ZNF350: variants seen among roughly 807,000 people sequenced by gnomAD.
ZNF350 encodes zinc finger protein 350.
Under a neutral mutation model 13.1 loss-of-function variants are expected in ZNF350, and 5 were observed. The ratio of observed to expected loss-of-function variants is 0.38; its 90% CI spans 0.20 to 0.80. The LOEUF is 0.80. Among genes scored for constraint, ZNF350 ranks in the 30% least tolerant of loss-of-function variants. ZNF350 has a pLI of 0.43. For missense variants in ZNF350, 534 were observed against 644.2 expected (o/e 0.83, Z 1.85); for synonymous variants, 199 against 224.2 (o/e 0.89, Z 1.00).
In ZNF350 at chr19:51,964,925, C is replaced by T. The variant is rs1259855201; in HGVS notation, c.1528G>A (p.Val510Met). 2 of 1,614,056 alleles carry T rather than the reference C, an allele frequency of 1.2e-6. No homozygotes were observed. Among genetic ancestry groups the T allele is most frequent in the Admixed American group, 1.7e-5 (1 of 60,010 alleles). Residue 510 changes from valine (V) to methionine (M), a missense_variant, in exon 5 of 5, where the codon GTG becomes ATG. Val to Met is a conservative substitution (Grantham distance 21). Transcript: ENST00000243644. ...NRGFAQDRNLVNAVNVVVPSV... is the reference protein window; with the variant it reads ...NRGFAQDRNLMNAVNVVVPSV... ...GGCACAACCACATTCACTGCATTCA[C>T]AAGGTTTCTGTCCTGTGCAAATCCT...
chr19:51,984,524 C>T (rs1301130863), intron 1 of ZNF350, among the ~76,000 whole-genome samples: 1 of 152,146 alleles, frequency 6.6e-6, no homozygotes, highest in Non-Finnish European at 1.5e-5. Flanking sequence ...CCGAGGTGCA[C>T]ATCTAGATAT....
intron 2 of ZNF350, among the ~76,000 whole-genome samples, chr19:51,970,080 A>ATTT (rs2085693315): frequency 1.4e-5 from 1 of 73,816 alleles, no homozygotes; most frequent in African/African-American, 8.1e-5. Flanking sequence ...TTTTTTTTTG[A>ATTT]GACGGAGTTT....
chr19:51,966,049 C>T lies in ZNF350; in HGVS notation c.404G>A (p.Ser135Asn). 1 of 1,614,014 alleles carries T rather than the reference C, an allele frequency of 6.2e-7. No individual in the cohort carries two copies. The part of the protein sequence containing the change: ...NHDIFDLRGK[S>N]LKSNLTLVNQ... ...AACTAAAGTTAAATTGGATTTCAAA[C>T]TTTTTCCACGTAAGTCAAATATATC... Residue 135 changes from serine to asparagine, a missense_variant, in exon 5 of 5, where the codon AGT becomes AAT. Ser to Asn is a conservative substitution (Grantham distance 46). Transcript: ENST00000243644.
intron 2 of ZNF350, among the ~76,000 whole-genome samples, chr19:51,972,630 AAT>A (rs777371848): frequency 2.6e-4 from 40 of 152,198 alleles, no homozygotes; most frequent in South Asian, 1.2e-3. Context: ...TATCATGTAA[AAT>A]ATATATATGT....
rs752569433 is a variant in ZNF350, at chr19:51,974,410, T to C, written c.-50A>G. ...ATTCAACTGGGATGGTCTGTCTTTG[T>C]ATCTTCTGGCCTTCTCTTCAGAAGT... On this transcript the variant is annotated 5_prime_UTR_variant, in exon 2 of 5. It adds an upstream start codon to the 5' untranslated region. Transcript: ENST00000243644. 1.0e-4 allele frequency: 164 copies of C among 1,609,452 alleles called. No homozygotes were observed. The highest frequency in any genetic ancestry group is 1.4e-4 in the Non-Finnish European group (160 of 1,176,798).
At chr19:51,982,971 AAG>A (rs1271987441) in intron 1 of ZNF350, among the ~76,000 whole-genome samples, 1 of 152,200 alleles carries the variant, frequency 6.6e-6, no homozygotes, top group Non-Finnish European at 1.5e-5. Context: ...GTGTGGGGGA[AAG>A]AGAGATCAGA....
rs1568474769 is a variant in ZNF350 at position 51,965,445 on chromosome 19, A to G, written c.1008T>C (p.His336=). Reference sequence around the variant, plus strand: ...GCGTCTTTCCTGTGTGAAATCTCTGATGTGCTATGAGACACGTCTTCTGAA... The same window carrying G: ...GCGTCTTTCCTGTGTGAAATCTCTGGTGTGCTATGAGACACGTCTTCTGAA... The part of the protein sequence containing the change: ...GFIQKTCLIA[H]QRFHTGKTPF... Residue 336 remains histidine (H), a synonymous_variant, in exon 5 of 5, where the codon CAT becomes CAC. Coordinates refer to ENST00000243644, the MANE Select transcript of ZNF350 (RefSeq NM_021632.4). The G allele has an allele frequency of 5.0e-6, 8 of 1,614,142 alleles. No individual in the cohort carries two copies. The highest frequency in any genetic ancestry group is 5.1e-6 in the Non-Finnish European group (6 of 1,180,018).
rs138898320 is a variant in ZNF350, at chr19:51,969,047, G to C, written c.100C>G (p.Arg34Gly). 1.2e-6 allele frequency: 2 copies of C among 1,614,058 alleles called. No homozygotes were observed. The highest frequency in any genetic ancestry group is 2.2e-5 in the East Asian group (1 of 44,862). The change falls in exon 3 of 5, where the codon CGG (arginine) becomes GGG (glycine). Residue 34 changes from arginine to glycine, a missense_variant. Arg to Gly is a moderately radical substitution (Grantham distance 125). Transcript: ENST00000243644. The part of the protein sequence containing the change: ...LLGAAQKDLY[R>G]DVMLENYSNL... ...CTGTAGTTCTCCAACATCACATCCCGGTACAGGTCCTTCTGAGCAGCGCCC... is the reference window on the plus strand; with the variant it reads ...CTGTAGTTCTCCAACATCACATCCCCGTACAGGTCCTTCTGAGCAGCGCCC...
At position 51,974,452 on chromosome 19, in the gene ZNF350, G is replaced by A. The variant is rs2085830176; in HGVS notation, c.-92C>T. On this transcript the variant is annotated 5_prime_UTR_variant, in exon 2 of 5. Coordinates refer to ENST00000243644, the MANE Select transcript of ZNF350 (RefSeq NM_021632.4). ...TTCAGAAGTCTCAGTTTTCAATCAA[G>A]TGTGCCCCAAGAAATGGTGAACCCC... 2.0e-6 allele frequency: 3 copies of A among 1,484,586 alleles called. No individual in the cohort carries two copies. Among genetic ancestry groups the A allele is most frequent in the South Asian group, 2.4e-5 (2 of 84,744 alleles). The allele number at this position is 1,484,586 out of a possible 1,614,324, so 92.0% of individuals were successfully genotyped here. A position where few individuals can be genotyped will look rare whatever the true frequency, so the allele number is the denominator to read the frequency against.
In ZNF350 at chr19:51,965,398, C is replaced by G. The variant is rs772791359; in HGVS notation, c.1055G>C (p.Gly352Ala). ...GKTPFVCSEC[G>A]KSCSQKSGLI... is the part of the protein sequence containing the mutation. Reference sequence around the variant, plus strand: ...ACCTGATTTCTGAGAACAGGATTTTCCACATTCACTGCACACAAAGGGCGT... The same window carrying G: ...ACCTGATTTCTGAGAACAGGATTTTGCACATTCACTGCACACAAAGGGCGT... Residue 352 changes from glycine (G) to alanine (A), a missense_variant, in exon 5 of 5, where the codon GGA (glycine) becomes GCA (alanine). Transcript: ENST00000243644. 1.9e-6 allele frequency: 3 copies of G among 1,614,116 alleles called. No individual in the cohort carries two copies. Among genetic ancestry groups the G allele is most frequent in the South Asian group, 1.1e-5 (1 of 91,080 alleles).
In ZNF350 at chr19:51,965,810, A is replaced by C. The variant is rs1278538592; in HGVS notation, c.643T>G (p.Phe215Val). 6.2e-7 allele frequency: 1 copy of C among 1,614,110 alleles called. No individual in the cohort carries two copies. The change falls in exon 5 of 5, where the codon TTC (phenylalanine) becomes GTC (valine). Residue 215 changes from phenylalanine (F) to valine (V), a missense_variant. Physicochemically the swap from Phe to Val is conservative, Grantham distance 50 (BLOSUM62 -1). Transcript: ENST00000243644. Reference protein sequence around the residue: ...HHVCSECGKAFIKKSWLTDHQ... With the variant: ...HHVCSECGKAVIKKSWLTDHQ... ...TCAGTTAGCCAAGACTTCTTGATGA[A>C]GGCTTTCCCACATTCACTGCACACA... is the stretch of plus-strand genomic sequence containing the variant.
At chr19:51,970,764 C>G (rs1469730060) in intron 2 of ZNF350, among the ~76,000 whole-genome samples, 1 of 152,040 alleles carries the variant, frequency 6.6e-6, no homozygotes, top group African/African-American at 2.4e-5. Context: ...CTCAAGAAAT[C>G]CAACAACTTT....
chr19:51,965,869 T>C lies in ZNF350; in HGVS notation c.584A>G (p.Lys195Arg). ...ISTKSQFISPKHQKTRKLEKH... is the reference protein window; with the variant it reads ...ISTKSQFISPRHQKTRKLEKH... ...CTCTAATTTTCGTGTTTTCTGATGC[T>C]TGGGACTGATGAATTGGGACTTAGT... Residue 195 changes from lysine (K) to arginine (R), a missense_variant, in exon 5 of 5, where the codon AAG (lysine) becomes AGG (arginine). By Grantham distance (26) the Lys-to-Arg change is conservative. Transcript: ENST00000243644. The C allele has an allele frequency of 1.2e-5, 20 of 1,614,164 alleles. No individual in the cohort carries two copies. The highest frequency in any genetic ancestry group is 1.4e-5 in the Non-Finnish European group (17 of 1,180,028).
intron 2 of ZNF350, among the ~76,000 whole-genome samples, chr19:51,971,979 A>G (rs138097703): frequency 2.8e-4 from 43 of 152,262 alleles, no homozygotes; most frequent in African/African-American, 8.7e-4. Flanking sequence ...ATACATGTTT[A>G]AAAAAATTAT....
chr19:51,980,047 A>T (rs1442468250), intron 1 of ZNF350, among the ~76,000 whole-genome samples: 1 of 152,238 alleles, frequency 6.6e-6, no homozygotes, highest in African/African-American at 2.4e-5. Context: ...TAAGCAACAC[A>T]GTCTTAATGT....
intron 1 of ZNF350, among the ~76,000 whole-genome samples, chr19:51,978,142 G>A (rs1439893302): frequency 3.9e-5 from 6 of 152,034 alleles, no homozygotes; most frequent in Non-Finnish European, 5.9e-5. Flanking sequence ...GCCTGCACCC[G>A]GGCCCCTCAA....
In ZNF350 at chr19:51,980,460, G is replaced by A. The variant is rs140388526; in HGVS notation, c.-171-5929C>T. Among the ~76,000 whole-genome samples, 30 of 152,288 alleles carry A rather than the reference G, an allele frequency of 2.0e-4. No individual in the cohort carries two copies. In the East Asian group the frequency reaches 5.2e-3, roughly 26 times the overall value. ...TGCATAATTCTATTCAAACATCTCA[G>A]TAGGTGGAGAACTGGACACGCACAG... On this transcript the variant is annotated intron_variant, in intron 1 of 4. Coordinates refer to ENST00000243644, the MANE Select transcript of ZNF350 (RefSeq NM_021632.4).
Position 51,974,447 on chromosome 19 carries a change from A to G in ZNF350, c.-87T>C, listed in dbSNP as rs2085830076. On this transcript the variant is annotated 5_prime_UTR_variant, in exon 2 of 5. Transcript: ENST00000243644. ...TTCTCTTCAGAAGTCTCAGTTTTCA[A>G]TCAAGTGTGCCCCAAGAAATGGTGA... The G allele has an allele frequency of 6.6e-7, 1 of 1,513,966 alleles. No individual in the cohort carries two copies. Among genetic ancestry groups the G allele is most frequent in the South Asian group, 1.2e-5 (1 of 86,606 alleles). The allele number at this position is 1,513,966 out of a possible 1,614,324, so 93.8% of individuals were successfully genotyped here. A position where few individuals can be genotyped will look rare whatever the true frequency, so the allele number is the denominator to read the frequency against.
chr19:51,969,549 T>A (rs1341595553), intron 2 of ZNF350, among the ~76,000 whole-genome samples: 1 of 152,044 alleles, frequency 6.6e-6, no homozygotes, highest in Non-Finnish European at 1.5e-5. Context: ...GGCACAGTAT[T>A]GGTCAGGCAC....
Sources: gnomAD v4.1 joint callset for allele counts (sites outside exome capture counted in the v4.1 genomes callset) on GRCh38, gnomAD v4.1.1 for gene constraint, MANE v1.5 for transcripts, NCBI Gene and HGNC (gene_info 2026-07-23, HGNC 2026-07-21) for gene names.